The following PTPRD variants were observed in gnomAD, a reference collection of about 807,000 sequenced individuals.
The protein encoded by PTPRD is protein tyrosine phosphatase receptor type D, also known as receptor-type tyrosine-protein phosphatase delta.
In PTPRD, 34 loss-of-function variants were observed where a neutral mutation model predicts 214.5. The observed-to-expected ratio is 0.16, with a 90% CI of 0.12 to 0.21. The LOEUF (loss-of-function observed/expected upper bound fraction) is 0.21. PTPRD is among the 10% of genes least tolerant of loss of function. PTPRD has a pLI of 1.00. For missense variants in PTPRD, 2,545 were observed against 2,398.7 expected (o/e 1.06, Z -1.27); for synonymous variants, 1,128 against 845.7 (o/e 1.33, Z -5.79).
At chr9:10,036,961 G>A (rs1435798002) in intron 3 of PTPRD, among the ~76,000 whole-genome samples, 1 of 151,864 alleles carries the variant, frequency 6.6e-6, no homozygotes, top group Non-Finnish European at 1.5e-5. Flanking sequence ...ATGGTTTACT[G>A]CAGCTTCAAT....
chr9:9,229,506 T>C (rs542523697), intron 9 of PTPRD, among the ~76,000 whole-genome samples: 7 of 152,226 alleles, frequency 4.6e-5, no homozygotes, highest in Non-Finnish European at 1.0e-4. Flanking sequence ...AGCATCCAAT[T>C]GGCCAAGCTT....
chr9:9,541,677 A>C (rs1221761616), intron 8 of PTPRD, among the ~76,000 whole-genome samples: 2 of 151,982 alleles, frequency 1.3e-5, no homozygotes, highest in African/African-American at 4.8e-5. Flanking sequence ...ACATTTCCCC[A>C]AAGGCATTTA....
In PTPRD at chr9:9,447,815, G is replaced by C. The variant is rs74713462; in HGVS notation, c.-236-50333C>G. ...AGAACGCTGTTCTAGGGAAGGGAAA[G>C]ATGAGTCTGAAGACACTGACGTAGA... On this transcript the variant is annotated intron_variant, in intron 8 of 45. Coordinates refer to ENST00000381196, the MANE Select transcript of PTPRD (RefSeq NM_002839.4). Among the ~76,000 whole-genome samples, 92 of 152,260 alleles carry C rather than the reference G, an allele frequency of 6.0e-4. 1 individual carries two copies. In the East Asian group the frequency reaches 0.017, roughly 28 times the overall value.
rs144777741 is a variant in PTPRD at position 8,389,841 on chromosome 9, T to C, written c.4211-434A>G. Among the ~76,000 whole-genome samples the C allele has an allele frequency of 5.4e-3, 828 of 152,122 alleles. 4 individuals carry two copies. The highest frequency in any genetic ancestry group is 9.1e-3 in the Non-Finnish European group (622 of 68,006). ...TGGAACACACCATAATAATGAAAAATTCTTTGTAGATTTAGTTAACAGGAA... is the reference window on the plus strand; with the variant it reads ...TGGAACACACCATAATAATGAAAAACTCTTTGTAGATTTAGTTAACAGGAA... On this transcript the variant is annotated intron_variant, in intron 36 of 45. Coordinates refer to ENST00000381196, the MANE Select transcript of PTPRD (RefSeq NM_002839.4).
intron 11 of PTPRD, among the ~76,000 whole-genome samples, chr9:8,976,224 T>G (rs565148765): frequency 6.6e-6 from 1 of 152,074 alleles, no homozygotes; most frequent in East Asian, 1.9e-4. Flanking sequence ...TATTTGATAG[T>G]TAGGGTAATC....
intron 12 of PTPRD, among the ~76,000 whole-genome samples, chr9:8,683,002 TAG>T (rs1179564313): frequency 6.6e-6 from 1 of 152,210 alleles, no homozygotes; most frequent in Non-Finnish European, 1.5e-5. Flanking sequence ...ACCTGGGTTC[TAG>T]AGAGATGAGT....
At chr9:10,098,894 T>C (rs2098522904) in intron 3 of PTPRD, among the ~76,000 whole-genome samples, 1 of 151,750 alleles carries the variant, frequency 6.6e-6, no homozygotes, top group Non-Finnish European at 1.5e-5. Flanking sequence ...CAGTTCCCAG[T>C]ATACAATATT....
At chr9:10,158,715 A>T (rs2099109094) in intron 3 of PTPRD, among the ~76,000 whole-genome samples, 1 of 152,146 alleles carries the variant, frequency 6.6e-6, no homozygotes. Context: ...CCTGCCACCA[A>T]CTGCATGGAA....
In PTPRD at chr9:9,486,221, A is replaced by G. The variant is rs1484790852; in HGVS notation, c.-237+88511T>C. Among the ~76,000 whole-genome samples, 6 of 133,876 alleles carry G rather than the reference A, an allele frequency of 4.5e-5. No homozygotes were observed. In the East Asian group the frequency reaches 1.4e-3, roughly 32 times the overall value. The allele number at this position is 133,876 out of a possible 152,430, so 87.8% of individuals were successfully genotyped here. ...GAAGTCACTATGTGAGCTCCCTCCT[A>G]TGCATTTGTTTTCCTTTCACAGAGA... On this transcript the variant is annotated intron_variant, in intron 8 of 45. Transcript: ENST00000381196.
chr9:9,937,220 T>C (rs938968204), intron 5 of PTPRD, among the ~76,000 whole-genome samples: 27 of 151,052 alleles, frequency 1.8e-4, no homozygotes, highest in Admixed American at 1.3e-4. Context: ...AAACTTAAAG[T>C]AAAATAATAA....
At position 10,093,803 on chromosome 9, in the gene PTPRD, G is replaced by A. The variant is rs139749892; in HGVS notation, c.-544-60013C>T. ...CTTTGCAGTAACATGGATGCAGCTG[G>A]AGACCATTACCATAAGCAAATTAAT... is the stretch of plus-strand genomic sequence containing the variant. On this transcript the variant is annotated intron_variant, in intron 3 of 45. Coordinates refer to ENST00000381196, the MANE Select transcript of PTPRD (RefSeq NM_002839.4). 7.6e-4 allele frequency among the ~76,000 whole-genome samples: 115 copies of A among 151,516 alleles called. 2 individuals are homozygous for A. In the South Asian group the frequency reaches 0.022, roughly 29 times the overall value.
chr9:10,414,875 T>A (rs1489350247), intron 2 of PTPRD, among the ~76,000 whole-genome samples: 1 of 151,536 alleles, frequency 6.6e-6, no homozygotes, highest in East Asian at 2.0e-4. Flanking sequence ...GTTATAAGAA[T>A]GATGAGAACT....
rs549249706 is a variant in PTPRD at position 9,964,178 on chromosome 9, T to C, written c.-471-25568A>G. On this transcript the variant is annotated intron_variant, in intron 4 of 45. Transcript: ENST00000381196. ...AGATATCTATTTCAATTTGAAGGTT[T>C]CTCAAATTGGGGGAAAAAAGAATCA... 4.3e-4 allele frequency among the ~76,000 whole-genome samples: 62 copies of C among 143,504 alleles called. No individual in the cohort carries two copies. In the South Asian group the frequency reaches 0.013, roughly 31 times the overall value. The allele number at this position is 143,504 out of a possible 152,430, so 94.1% of individuals were successfully genotyped here. A position where few individuals can be genotyped will look rare whatever the true frequency, so the allele number is the denominator to read the frequency against.
At chr9:9,835,388 A>C (rs756758740) in intron 5 of PTPRD, among the ~76,000 whole-genome samples, 2 of 152,120 alleles carry the variant, frequency 1.3e-5, no homozygotes, top group African/African-American at 4.8e-5. Flanking sequence ...CTTTTGAAGA[A>C]GGCTCAGAGC....
intron 3 of PTPRD, among the ~76,000 whole-genome samples, chr9:10,102,910 C>T (rs2098572289): frequency 6.6e-6 from 1 of 151,704 alleles, no homozygotes; most frequent in African/African-American, 2.4e-5. Context: ...CAATGTATTT[C>T]ACATTCATTA....
At chr9:8,668,132 C>G (rs2097205674) in intron 12 of PTPRD, among the ~76,000 whole-genome samples, 1 of 152,044 alleles carries the variant, frequency 6.6e-6, no homozygotes. Context: ...GAAAGAAATT[C>G]CAGTGGTAAC....
chr9:9,180,302 A>G (rs947096533), intron 10 of PTPRD, among the ~76,000 whole-genome samples: 4 of 151,926 alleles, frequency 2.6e-5, no homozygotes, highest in Admixed American at 6.6e-5. Flanking sequence ...TTGCAGGGAC[A>G]TGGATGAAAC....
chr9:8,453,226 C>T (rs910991750), intron 33 of PTPRD, among the ~76,000 whole-genome samples: 11 of 152,206 alleles, frequency 7.2e-5, no homozygotes, highest in East Asian at 1.9e-4. Flanking sequence ...TGCAGTGGTG[C>T]GATCTCGGCT....
At chr9:9,213,007 G>C (rs1593693472) in intron 9 of PTPRD, among the ~76,000 whole-genome samples, 1 of 152,042 alleles carries the variant, frequency 6.6e-6, no homozygotes, top group South Asian at 2.1e-4. Flanking sequence ...TGTTTTTTTA[G>C]GTCAGGTTAA....
Sources: allele counts gnomAD v4.1 joint callset (sites outside exome capture counted in the v4.1 genomes callset), GRCh38; gene constraint gnomAD v4.1.1; transcripts MANE v1.5; gene names NCBI Gene and HGNC (gene_info 2026-07-23, HGNC 2026-07-21).